The following MAP4K5 variants were observed in gnomAD, a reference collection of about 807,000 sequenced individuals.
The protein encoded by MAP4K5 is MAPK/ERK kinase kinase kinase 5.
MAP4K5 carries 82 observed loss-of-function variants against 135.6 expected under a neutral mutation model. The ratio of observed to expected loss-of-function variants is 0.60; its 90% CI spans 0.51 to 0.73. The LOEUF (loss-of-function observed/expected upper bound fraction) is 0.73, where lower values mean the gene tolerates loss of function less well. Ranked by LOEUF, MAP4K5 falls within the 30% of genes least tolerant of loss-of-function variation. The probability of loss-of-function intolerance (pLI) is 0.00; values close to 1 mark genes in which losing one functional copy is unlikely to be tolerated. For synonymous variants in MAP4K5, 347 were observed against 335.0 expected, an observed-to-expected ratio of 1.04 and a Z score of -0.39; for missense variants, 907 against 1,010.9, an observed-to-expected ratio of 0.90 and a Z score of 1.39.
intron 2 of MAP4K5, among the ~76,000 whole-genome samples, chr14:50,521,067 C>A (rs758957358): frequency 6.6e-6 from 1 of 152,234 alleles, no homozygotes; most frequent in Non-Finnish European, 1.5e-5. Context: ...GTGATCCACC[C>A]ACCTTGGCCT....
At chr14:50,531,469 T>G (rs964382693) in intron 2 of MAP4K5, among the ~76,000 whole-genome samples, 1 of 152,224 alleles carries the variant, frequency 6.6e-6, no homozygotes. Flanking sequence ...CAATATTAGT[T>G]TGCTTACAGT....
intron 9 of MAP4K5, among the ~76,000 whole-genome samples, chr14:50,474,649 T>C (rs938569141): frequency 5.9e-5 from 9 of 152,026 alleles, no homozygotes; most frequent in Admixed American, 1.3e-4. Context: ...TAAACTTAGG[T>C]GATGGGTCAA....
chr14:50,475,330 T>G (rs865962463), intron 8 of MAP4K5, among the ~76,000 whole-genome samples, 181 bp from the exon 9 acceptor site: 23 of 152,196 alleles, frequency 1.5e-4, no homozygotes, highest in Middle Eastern at 3.4e-3. Context: ...AAAAATTTAC[T>G]GGCACTTTAC....
rs200080445 is a variant in MAP4K5, at chr14:50,443,735, T to C, written c.1473A>G (p.Lys491=). 8.0e-5 allele frequency: 127 copies of C among 1,594,628 alleles called. No individual in the cohort carries two copies. The East Asian group carries it at 2.8e-3, about 35-fold the overall frequency. Residue 491 remains lysine (K), a synonymous_variant, in exon 20 of 33, where the codon AAA becomes AAG. Coordinates refer to ENST00000682126, the MANE Select transcript of MAP4K5 (RefSeq NM_006575.6). ...PAINGLPPTP[K]VLMGACFSKV... Reference sequence around the variant, plus strand: ...ACATAAAAATATTCCTTACCAGAACTTTTGGGGTGGGTGGAAGGCCATTGA... The same window carrying C: ...ACATAAAAATATTCCTTACCAGAACCTTTGGGGTGGGTGGAAGGCCATTGA...
intron 2 of MAP4K5, among the ~76,000 whole-genome samples, chr14:50,531,204 T>G (rs547263475): frequency 3.9e-5 from 6 of 152,200 alleles, no homozygotes; most frequent in Non-Finnish European, 8.8e-5. Flanking sequence ...CTCTACAATG[T>G]TTTTTAAAAT....
intron 1 of MAP4K5, among the ~76,000 whole-genome samples, chr14:50,549,809 A>G (rs1345830583): frequency 2.6e-5 from 4 of 152,242 alleles, no homozygotes; most frequent in Non-Finnish European, 5.9e-5. Context: ...GCACTGTCCC[A>G]GAATGGCTAA....
In MAP4K5 at chr14:50,438,014, A is replaced by C; in HGVS notation, c.1709-6T>G. ...GTAGAGCTGAAAGGTTTTTCCTATAAAAGAAAAACATGTTACCTTTTTGAG... is the reference window on the plus strand; with the variant it reads ...GTAGAGCTGAAAGGTTTTTCCTATACAAGAAAAACATGTTACCTTTTTGAG... On this transcript the variant is annotated splice_polypyrimidine_tract_variant and splice_region_variant and intron_variant, in intron 24 of 32. Coordinates refer to ENST00000682126, the MANE Select transcript of MAP4K5 (RefSeq NM_006575.6). 2.1e-6 allele frequency: 3 copies of C among 1,435,916 alleles called. No homozygotes were observed. The highest frequency in any genetic ancestry group is 2.9e-6 in the Non-Finnish European group (3 of 1,019,466). The allele number at this position is 1,435,916 out of a possible 1,614,324, so 88.9% of individuals were successfully genotyped here.
intron 17 of MAP4K5, among the ~76,000 whole-genome samples, 157 bp from the exon 18 acceptor site, chr14:50,445,351 T>C (rs528522712): frequency 6.6e-6 from 1 of 152,264 alleles, no homozygotes; most frequent in South Asian, 2.1e-4. Flanking sequence ...AACACAACTA[T>C]CAACTTGCCA....
chr14:50,513,824 A>G (rs2037977927), intron 2 of MAP4K5, among the ~76,000 whole-genome samples: 1 of 152,154 alleles, frequency 6.6e-6, no homozygotes. Flanking sequence ...TAACATCAGA[A>G]AATCCAGACA....
At chr14:50,427,279 A>C (rs1232574463) in intron 30 of MAP4K5, among the ~76,000 whole-genome samples, 1 of 152,230 alleles carries the variant, frequency 6.6e-6, no homozygotes, top group Non-Finnish European at 1.5e-5. Flanking sequence ...CCTATGTCAG[A>C]ATCTCTCTCA....
intron 28 of MAP4K5, among the ~76,000 whole-genome samples, chr14:50,431,902 G>A (rs2035979240): frequency 6.6e-6 from 1 of 152,142 alleles, no homozygotes; most frequent in South Asian, 2.1e-4. Context: ...ACCTCTTTGG[G>A]AAGCCTATGC....
At position 50,468,335 on chromosome 14, in the gene MAP4K5, G is replaced by C. The variant is rs115829843; in HGVS notation, c.674+316C>G. On this transcript the variant is annotated intron_variant, in intron 10 of 32. Transcript: ENST00000682126. ...TTGTTTTATGGAAAAGCTTCAAACA[G>C]TACAGACAATTTACTCTTATGTTGT... 618 of 225,402 alleles carry C rather than the reference G, an allele frequency of 2.7e-3. 4 individuals are homozygous for C. Among genetic ancestry groups the C allele is most frequent in the African/African-American group, 0.013 (590 of 44,022 alleles). 14.0% of individuals were successfully genotyped at this position (225,402 alleles called of 1,614,324 possible). A position where few individuals can be genotyped will look rare whatever the true frequency, so the allele number is the denominator to read the frequency against.
At chr14:50,495,172 A>G (rs2037566944) in intron 3 of MAP4K5, among the ~76,000 whole-genome samples, 1 of 152,236 alleles carries the variant, frequency 6.6e-6, no homozygotes, top group Non-Finnish European at 1.5e-5. Flanking sequence ...CAAATCCTGT[A>G]TCTAAGAAGG....
chr14:50,431,188 C>A (rs2035959906), intron 28 of MAP4K5, among the ~76,000 whole-genome samples: 1 of 152,108 alleles, frequency 6.6e-6, no homozygotes, highest in African/African-American at 2.4e-5. Flanking sequence ...AAATGAGATT[C>A]AACACAAACA....
chr14:50,443,685 A>C, intron 20 of MAP4K5, 44 bp downstream of exon 20: 2 of 1,520,032 alleles, frequency 1.3e-6, no homozygotes, highest in East Asian at 4.5e-5. Context: ...CTGCTTCTAA[A>C]GAGAGAAAAA....
intron 3 of MAP4K5, among the ~76,000 whole-genome samples, chr14:50,487,094 A>G (rs2037378504): frequency 6.6e-6 from 1 of 152,230 alleles, no homozygotes; most frequent in Non-Finnish European, 1.5e-5. Flanking sequence ...TCATGCCATT[A>G]AAAGCTTTTA....
intron 9 of MAP4K5, among the ~76,000 whole-genome samples, chr14:50,473,880 C>T (rs1331351935): frequency 6.6e-6 from 1 of 151,908 alleles, no homozygotes; most frequent in Non-Finnish European, 1.5e-5. Flanking sequence ...CCTGCCACGA[C>T]GCCCGGCTAA....
At chr14:50,484,182 G>A (rs1347355467) in intron 5 of MAP4K5, among the ~76,000 whole-genome samples, 1 of 152,124 alleles carries the variant, frequency 6.6e-6, no homozygotes, top group Non-Finnish European at 1.5e-5. Flanking sequence ...GTGGCACAGA[G>A]AATTTTAAAT....
intron 6 of MAP4K5, among the ~76,000 whole-genome samples, chr14:50,482,111 A>G (rs889802023): frequency 3.9e-5 from 6 of 152,218 alleles, no homozygotes; most frequent in African/African-American, 1.4e-4. Flanking sequence ...ATCAAAGTGG[A>G]ATTCCACATA....
Sources: allele counts gnomAD v4.1 joint callset (sites outside exome capture counted in the v4.1 genomes callset), GRCh38; gene constraint gnomAD v4.1.1; transcripts MANE v1.5; gene names NCBI Gene and HGNC (gene_info 2026-07-23, HGNC 2026-07-21).